MSI2: variants seen among roughly 807,000 people sequenced by gnomAD.
The protein encoded by MSI2 is RNA-binding protein Musashi homolog 2.
A neutral mutation model predicts 45.6 loss-of-function variants in MSI2; 17 were observed. The observed-to-expected ratio is 0.37, with a 90% CI of 0.26 to 0.56. The LOEUF (loss-of-function observed/expected upper bound fraction) is 0.56. MSI2 is among the 20% of genes least tolerant of loss of function. The pLI is 0.77. For missense variants in MSI2, 293 were observed against 444.2 expected (o/e 0.66, Z 3.06); for synonymous variants, 156 against 158.2 (o/e 0.99, Z 0.11).
chr17:57,256,609 G>T lies in MSI2; in HGVS notation c.-134G>T, dbSNP rs1906738036. ...GGCTCCGCCGCTCGCAGAGAGATTC[G>T]GAGGAGCCCGGGCGGGGGGGAGGAG... On this transcript the variant is annotated 5_prime_UTR_variant, in exon 1 of 14. Transcript: ENST00000284073. The T allele has an allele frequency of 2.3e-6, 1 of 435,936 alleles. No homozygotes were observed. Among genetic ancestry groups the T allele is most frequent in the Non-Finnish European group, 3.9e-6 (1 of 253,820 alleles). The allele number at this position is 435,936 out of a possible 1,614,324, so 27.0% of individuals were successfully genotyped here. A position where few individuals can be genotyped will look rare whatever the true frequency, so the allele number is the denominator to read the frequency against.
At chr17:57,377,259 G>A (rs2083516738) in intron 5 of MSI2, among the ~76,000 whole-genome samples, 1 of 152,166 alleles carries the variant, frequency 6.6e-6, no homozygotes, top group South Asian at 2.1e-4. Flanking sequence ...AGTCAGTTCA[G>A]AAGGAAGGAA....
rs547092655 is a variant in MSI2 at position 57,329,229 on chromosome 17, T to G, written c.312+67037T>G. Among the ~76,000 whole-genome samples, 436 of 152,364 alleles carry G rather than the reference T, an allele frequency of 2.9e-3. 1 individual carries two copies. Among genetic ancestry groups the G allele is most frequent in the African/African-American group, 0.01 (421 of 41,588 alleles). On this transcript the variant is annotated intron_variant, in intron 5 of 13. Coordinates refer to ENST00000284073, the MANE Select transcript of MSI2 (RefSeq NM_138962.4). Reference sequence around the variant, plus strand: ...CCCTGCAAAACAGCTCTACATTTTGTAGAAATAGGATTATTAGAGGAGGTT... The same window carrying G: ...CCCTGCAAAACAGCTCTACATTTTGGAGAAATAGGATTATTAGAGGAGGTT...
At chr17:57,492,266 A>G (rs1362247805) in intron 6 of MSI2, among the ~76,000 whole-genome samples, 1 of 152,212 alleles carries the variant, frequency 6.6e-6, no homozygotes, top group African/African-American at 2.4e-5. Context: ...AAGGTGATGG[A>G]CAAGTAAAAA....
rs770377566 is a variant in MSI2, at chr17:57,257,449, T to G, written c.104-17T>G. On this transcript the variant is annotated splice_polypyrimidine_tract_variant and intron_variant, in intron 2 of 13. Coordinates refer to ENST00000284073, the MANE Select transcript of MSI2 (RefSeq NM_138962.4). The stretch of plus-strand genomic sequence containing the variant: ...ACCTTCTCTCCCCCCCCCATCTCTC[T>G]CTTTCTCTCTCTACAGATAGCCTTA... 8.0e-7 allele frequency: 1 copy of G among 1,251,026 alleles called. No individual in the cohort carries two copies. The highest frequency in any genetic ancestry group is 1.2e-5 in the South Asian group (1 of 80,270). 77.5% of individuals were successfully genotyped at this position (1,251,026 alleles called of 1,614,324 possible). A position where few individuals can be genotyped will look rare whatever the true frequency, so the allele number is the denominator to read the frequency against.
At chr17:57,668,726 A>T (rs1912556723) in intron 11 of MSI2, among the ~76,000 whole-genome samples, 1 of 152,156 alleles carries the variant, frequency 6.6e-6, no homozygotes, top group African/African-American at 2.4e-5. Context: ...TCTCAGTAAT[A>T]TATCTGTTTG....
At chr17:57,338,184 G>C (rs1002172564) in intron 5 of MSI2, among the ~76,000 whole-genome samples, 1 of 152,010 alleles carries the variant, frequency 6.6e-6, no homozygotes, top group African/African-American at 2.4e-5. Flanking sequence ...CCACCTCCTG[G>C]GTTTAGGAAA....
chr17:57,280,229 T>C lies in MSI2; in HGVS notation c.312+18037T>C, dbSNP rs1909298991. Among the ~76,000 whole-genome samples the C allele has an allele frequency of 6.6e-6, 1 of 151,508 alleles. No homozygotes were observed. The highest frequency in any genetic ancestry group is 6.6e-5 in the Admixed American group (1 of 15,220). On this transcript the variant is annotated intron_variant, in intron 5 of 13. Transcript: ENST00000284073. This position sits in a 1 kb window ranked among gnomAD's most constrained non-coding sequence, Gnocchi z 4.2. ...GATAAAAATTCTTATCTTAGGAGGGTTGGGGAAGCCATCCATTTAAAAGTT... is the reference window on the plus strand; with the variant it reads ...GATAAAAATTCTTATCTTAGGAGGGCTGGGGAAGCCATCCATTTAAAAGTT...
intron 6 of MSI2, among the ~76,000 whole-genome samples, chr17:57,445,148 T>C (rs1598277968): frequency 2.0e-5 from 3 of 151,610 alleles, no homozygotes; most frequent in East Asian, 1.9e-4. Context: ...TCCAGAGGAG[T>C]CGCCGCAGAC....
chr17:57,674,247 G>A (rs548455406), intron 11 of MSI2, among the ~76,000 whole-genome samples: 91 of 147,200 alleles, frequency 6.2e-4, no homozygotes, highest in Non-Finnish European at 1.1e-3. Context: ...TGGGAAGGGC[G>A]GGAAGGGAGG....
At chr17:57,426,827 A>G (rs888312266) in intron 6 of MSI2, among the ~76,000 whole-genome samples, 15 of 152,360 alleles carry the variant, frequency 9.8e-5, no homozygotes, top group Non-Finnish European at 2.2e-4. Context: ...CTTTATTTCA[A>G]TGGAGGTCTG....
At chr17:57,551,792 G>A (rs2087311667) in intron 7 of MSI2, among the ~76,000 whole-genome samples, 1 of 152,220 alleles carries the variant, frequency 6.6e-6, no homozygotes, top group Non-Finnish European at 1.5e-5. Flanking sequence ...AAGATCACGG[G>A]CGTGAAAGCT....
At chr17:57,508,291 G>T (rs1421733986) in intron 6 of MSI2, among the ~76,000 whole-genome samples, 3 of 152,082 alleles carry the variant, frequency 2.0e-5, no homozygotes, top group Non-Finnish European at 4.4e-5. Flanking sequence ...TTCCTCTGCT[G>T]CCCGTATCCA....
intron 6 of MSI2, among the ~76,000 whole-genome samples, chr17:57,440,217 G>T (rs893425501): frequency 6.6e-6 from 1 of 152,186 alleles, no homozygotes; most frequent in East Asian, 1.9e-4. Context: ...AGAGGTCTGA[G>T]AAGTGAACTG....
At chr17:57,291,030 G>A (rs1910372758) in intron 5 of MSI2, among the ~76,000 whole-genome samples, 1 of 152,216 alleles carries the variant, frequency 6.6e-6, no homozygotes, top group Admixed American at 6.5e-5. Context: ...ACTGGGGGCA[G>A]CAGCAGATGA....
At chr17:57,551,058 C>T (rs77464778) in intron 7 of MSI2, among the ~76,000 whole-genome samples, 4,278 of 152,182 alleles carry the variant, frequency 0.028, 114 homozygotes, top group African/African-American at 0.071. Context: ...ACATGAATGA[C>T]CTTCTCCCGG....
At chr17:57,628,833 C>T (rs969772201) in intron 10 of MSI2, 1 of 152,770 alleles carries the variant, frequency 6.5e-6, no homozygotes, top group African/African-American at 2.4e-5. Context: ...CAGGCTGCTT[C>T]AGGATGGCCA....
rs79462067 is a variant in MSI2, at chr17:57,383,893, G to A, written c.313-17486G>A. ...CACTCCACGGCTTGGTGCACCCATG[G>A]GCCTGTCTGGGAGACTTGCTCACGT... On this transcript the variant is annotated intron_variant, in intron 5 of 13. Transcript: ENST00000284073. Among the ~76,000 whole-genome samples, 94 of 152,246 alleles carry A rather than the reference G, an allele frequency of 6.2e-4. 1 individual carries two copies. In the East Asian group the frequency reaches 0.016, roughly 26 times the overall value.
intron 5 of MSI2, among the ~76,000 whole-genome samples, chr17:57,285,611 G>A (rs13353194): frequency 0.52 from 79,389 of 152,022 alleles, 23,964 homozygotes; most frequent in Middle Eastern, 0.68. Context: ...TTTGTGGAAG[G>A]TTCCGGCCCC....
chr17:57,316,398 G>C (rs1302222466), intron 5 of MSI2, among the ~76,000 whole-genome samples: 1 of 151,374 alleles, frequency 6.6e-6, no homozygotes, highest in African/African-American at 2.4e-5. Flanking sequence ...CATGATCATG[G>C]CTCACTGTAC....
Sources: allele counts gnomAD v4.1 joint callset (sites outside exome capture counted in the v4.1 genomes callset), GRCh38; gene constraint gnomAD v4.1.1; non-coding constraint Gnocchi (gnomAD v3.1); transcripts MANE v1.5; gene names NCBI Gene and HGNC (gene_info 2026-07-23, HGNC 2026-07-21).